TDRD5: variants seen among roughly 807,000 people sequenced by gnomAD.
TDRD5 encodes the protein tudor domain-containing protein 5.
A neutral mutation model predicts 120.6 loss-of-function variants in TDRD5; 41 were observed. The observed-to-expected ratio is 0.34, with a 90% confidence interval of 0.26 to 0.44. The LOEUF (loss-of-function observed/expected upper bound fraction) is 0.44. TDRD5 is among the 20% of genes least tolerant of loss of function. TDRD5 has a pLI of 1.00. For missense variants in TDRD5, 1,006 were observed against 1,221.2 expected (o/e 0.82, Z 2.63); for synonymous variants, 430 against 433.7 (o/e 0.99, Z 0.11).
intron 16 of TDRD5, among the ~76,000 whole-genome samples, chr1:179,664,507 A>G (rs1679466501): frequency 1.3e-5 from 2 of 152,070 alleles, no homozygotes; most frequent in Non-Finnish European, 2.9e-5. Context: ...GCTACTTACT[A>G]ATCTGCTTTC....
intron 12 of TDRD5, among the ~76,000 whole-genome samples, chr1:179,651,769 C>T (rs892093708): frequency 2.6e-5 from 4 of 152,026 alleles, no homozygotes; most frequent in Admixed American, 6.6e-5. Flanking sequence ...AAAAATTAGT[C>T]AGGCGTGATG....
chr1:179,662,210 A>G lies in TDRD5; in HGVS notation c.2429A>G (p.Asp810Gly). ...PLQAKMGKGG[D>G]AASHLFTASL... Reference sequence around the variant, plus strand: ...CAGGCTAAGATGGGAAAAGGAGGTGATGCTGCCTCCCATCTATTTACTGCA... The same window carrying G: ...CAGGCTAAGATGGGAAAAGGAGGTGGTGCTGCCTCCCATCTATTTACTGCA... Residue 810 changes from aspartate to glycine, a missense_variant, in exon 15 of 18, where the codon GAT becomes GGT. This residue lies in a region of TDRD5 where 403 missense variants were observed against 448.1 expected (regional missense o/e 0.90). Transcript: ENST00000444136. The G allele has an allele frequency of 2.5e-6, 4 of 1,612,154 alleles. No homozygotes were observed. Among genetic ancestry groups the G allele is most frequent in the South Asian group, 1.1e-5 (1 of 90,552 alleles).
At chr1:179,597,957 A>G (rs1422493940) in intron 4 of TDRD5, among the ~76,000 whole-genome samples, 1 of 152,208 alleles carries the variant, frequency 6.6e-6, no homozygotes, top group Non-Finnish European at 1.5e-5. Context: ...TGTCATATAT[A>G]GTCCTGTGTC....
At chr1:179,676,224 C>T (rs902238160) in intron 17 of TDRD5, among the ~76,000 whole-genome samples, 1 of 152,170 alleles carries the variant, frequency 6.6e-6, no homozygotes, top group African/African-American at 2.4e-5. Context: ...CATCTCTTTA[C>T]CTTAAGTTTC....
At chr1:179,630,424 T>A (rs542819263) in intron 6 of TDRD5, among the ~76,000 whole-genome samples, 1 of 152,362 alleles carries the variant, frequency 6.6e-6, no homozygotes, top group South Asian at 2.1e-4. Context: ...CCAATAGTTT[T>A]ATTACGACTG....
chr1:179,662,302 A>G lies in TDRD5; in HGVS notation c.2505+16A>G. On this transcript the variant is annotated intron_variant, in intron 15 of 17. Transcript: ENST00000444136. ...GCCACAGAAGGTTAGATCCTTGGAA[A>G]AATAGAAAGCAAATCAGGCCGGGCA... The G allele has an allele frequency of 6.3e-7, 1 of 1,597,158 alleles. No homozygotes were observed. The highest frequency in any genetic ancestry group is 1.4e-5 in the African/African-American group (1 of 73,700).
At chr1:179,606,437 A>G (rs560904282) in intron 4 of TDRD5, among the ~76,000 whole-genome samples, 1 of 152,112 alleles carries the variant, frequency 6.6e-6, no homozygotes, top group African/African-American at 2.4e-5. Context: ...GTAGTTTTTA[A>G]TCTTAAGACC....
At chr1:179,606,994 T>G (rs1338721621) in intron 4 of TDRD5, among the ~76,000 whole-genome samples, 1 of 152,160 alleles carries the variant, frequency 6.6e-6, no homozygotes. Flanking sequence ...AGATTTTGTT[T>G]GGGATTGAAT....
Position 179,593,556 on chromosome 1 carries a change from G to C in TDRD5, c.329G>C (p.Ser110Thr). 1 of 1,614,222 alleles carries C rather than the reference G, an allele frequency of 6.2e-7. No individual in the cohort carries two copies. Among genetic ancestry groups the C allele is most frequent in the Non-Finnish European group, 8.5e-7 (1 of 1,180,044 alleles). Residue 110 changes from serine to threonine, a missense_variant, in exon 3 of 18, where the codon AGT becomes ACT. By Grantham distance (58) the Ser-to-Thr change is moderately conservative. Coordinates refer to ENST00000444136, the MANE Select transcript of TDRD5 (RefSeq NM_001199085.3). Reference protein sequence around the residue: ...LRNSMHKGRPSIYSGPRSHRR... With the variant: ...LRNSMHKGRPTIYSGPRSHRR... ...AACTCAATGCATAAGGGAAGACCTA[G>C]TATTTATTCTGGACCGAGATCTCAT...
chr1:179,597,947 T>A (rs12072884), intron 4 of TDRD5, among the ~76,000 whole-genome samples: 12,976 of 152,242 alleles, frequency 0.085, 714 homozygotes, highest in African/African-American at 0.14. Context: ...ATAATATCTT[T>A]GTCATATATA....
intron 7 of TDRD5, among the ~76,000 whole-genome samples, chr1:179,631,434 G>T (rs1677445243): frequency 2.0e-5 from 3 of 152,190 alleles, no homozygotes; most frequent in African/African-American, 7.2e-5. Context: ...CTAGATTTTT[G>T]ATAATTCTGA....
chr1:179,606,772 A>G (rs115590922), intron 4 of TDRD5, among the ~76,000 whole-genome samples: 2 of 152,190 alleles, frequency 1.3e-5, no homozygotes, highest in African/African-American at 4.8e-5. Context: ...ATGTGAGTCT[A>G]TGTCTAGGTT....
At position 179,659,173 on chromosome 1, in the gene TDRD5, G is replaced by T. The variant is rs565156227; in HGVS notation, c.2323-2931G>T. Among the ~76,000 whole-genome samples, 33 of 152,240 alleles carry T rather than the reference G, an allele frequency of 2.2e-4. No individual in the cohort carries two copies. In the South Asian group the frequency reaches 6.2e-3, roughly 29 times the overall value. On this transcript the variant is annotated intron_variant, in intron 14 of 17. Transcript: ENST00000444136. ...TTTTGTCAACACAGGATGTGGTCTA[G>T]CTTGGTAAATGTCCATGTGTCTTTG... is the stretch of plus-strand genomic sequence containing the variant.
At chr1:179,666,011 AT>A (rs1370696072) in intron 16 of TDRD5, among the ~76,000 whole-genome samples, 1 of 152,118 alleles carries the variant, frequency 6.6e-6, no homozygotes, top group East Asian at 1.9e-4. Context: ...AACATTCCAA[AT>A]TTTTTTAATC....
intron 6 of TDRD5, among the ~76,000 whole-genome samples, chr1:179,625,860 TAC>T (rs1165867617): frequency 6.6e-6 from 1 of 152,178 alleles, no homozygotes; most frequent in East Asian, 1.9e-4. Flanking sequence ...GTGGCACATA[TAC>T]ACCATGGAAT....
intron 17 of TDRD5, 104 bp from the exon 18 acceptor site, chr1:179,690,592 G>T: frequency 6.8e-7 from 1 of 1,479,562 alleles, no homozygotes. Flanking sequence ...CTACCTAACA[G>T]AAAATGATTG....
chr1:179,679,438 G>A, intron 17 of TDRD5, among the ~76,000 whole-genome samples: 1 of 151,978 alleles, frequency 6.6e-6, no homozygotes, highest in Non-Finnish European at 1.5e-5. Flanking sequence ...GAATTTGTGT[G>A]GAATTGATAT....
Position 179,663,472 on chromosome 1 carries a change from G to T in TDRD5, c.2630G>T (p.Gly877Val), listed in dbSNP as rs767636710. The T allele has an allele frequency of 4.3e-6, 7 of 1,611,976 alleles. No homozygotes were observed. The Admixed American group carries it at 1.0e-4, about 23-fold the overall frequency. ...EVLGAQEKNT[G>V]TNRTQKQLDI... ...CTGGGTGCTCAGGAAAAAAATACTG[G>T]CACAAACAGGACTCAAAAGGTAAAT... is the stretch of plus-strand genomic sequence containing the variant. Residue 877 changes from glycine (G) to valine (V), a missense_variant, in exon 16 of 18, where the codon GGC becomes GTC. Around this residue, in one of 3 missense-constraint regions of TDRD5, gnomAD observed 403 missense variants for 448.1 expected, o/e 0.90. Coordinates refer to ENST00000444136, the MANE Select transcript of TDRD5 (RefSeq NM_001199085.3).
chr1:179,595,523 AG>A, intron 3 of TDRD5, 104 bp from the exon 4 acceptor site: 1 of 958,082 alleles, frequency 1.0e-6, no homozygotes, highest in Non-Finnish European at 1.5e-6. Flanking sequence ...TTTGCTTCTA[AG>A]TTGAAGGCAG....
Sources: gnomAD v4.1 joint callset for allele counts (sites outside exome capture counted in the v4.1 genomes callset) on GRCh38, gnomAD v4.1.1 for gene constraint, gnomAD v4.1.1 regional missense constraint, MANE v1.5 for transcripts, NCBI Gene and HGNC (gene_info 2026-07-23, HGNC 2026-07-21) for gene names.